Variants in PDGFD observed in about 807,000 individuals in gnomAD.
PDGFD encodes the protein platelet-derived growth factor D.
Under a neutral mutation model 44.7 loss-of-function variants are expected in PDGFD, and 30 were observed. The ratio of observed to expected loss-of-function variants is 0.67; its 90% CI spans 0.50 to 0.91. The LOEUF is 0.91. Ranked by LOEUF, PDGFD falls within the 40% of genes least tolerant of loss-of-function variation. The pLI is 0.00. For missense variants in PDGFD, 445 were observed against 457.8 expected (o/e 0.97, Z 0.25); for synonymous variants, 173 against 168.4 (o/e 1.03, Z -0.21).
intron 1 of PDGFD, among the ~76,000 whole-genome samples, chr11:104,102,307 G>A (rs538081939): frequency 2.2e-3 from 328 of 152,262 alleles, no homozygotes; most frequent in African/African-American, 7.4e-3. Context: ...CATTTATGCA[G>A]CCAAAAAACA....
intron 1 of PDGFD, among the ~76,000 whole-genome samples, chr11:104,155,244 A>G (rs1862290950): frequency 6.6e-6 from 1 of 152,224 alleles, no homozygotes; most frequent in African/African-American, 2.4e-5. Flanking sequence ...CAGTTTATGA[A>G]CCTGGTAAAC....
intron 1 of PDGFD, among the ~76,000 whole-genome samples, chr11:104,159,569 A>C (rs150065421): frequency 6.6e-6 from 1 of 152,328 alleles, no homozygotes; most frequent in Non-Finnish European, 1.5e-5. Context: ...AGACTCTTAG[A>C]GTGATAGGGC....
intron 1 of PDGFD, among the ~76,000 whole-genome samples, chr11:104,162,011 C>T (rs1862396634): frequency 6.6e-6 from 1 of 151,018 alleles, no homozygotes; most frequent in Admixed American, 6.6e-5. Context: ...ACAGTTTTAA[C>T]TGAAATATGA....
Position 104,008,301 on chromosome 11 carries a change from G to A in PDGFD, c.125-8046C>T, listed in dbSNP as rs75163661. Among the ~76,000 whole-genome samples, 731 of 144,660 alleles carry A rather than the reference G, an allele frequency of 5.1e-3. 18 individuals carry two copies. The East Asian group carries it at 0.078, about 15-fold the overall frequency. 94.9% of individuals were successfully genotyped at this position (144,660 alleles called of 152,430 possible). A position where few individuals can be genotyped will look rare whatever the true frequency, so the allele number is the denominator to read the frequency against. ...TAATAGATAAGATTAAACAATGCTC[G>A]GAAAATAAAATCTCAAATCTCAAAT... On this transcript the variant is annotated intron_variant, in intron 1 of 6. Transcript: ENST00000393158.
intron 1 of PDGFD, among the ~76,000 whole-genome samples, chr11:104,068,184 C>A (rs1255820767): frequency 6.6e-6 from 1 of 152,088 alleles, no homozygotes; most frequent in African/African-American, 2.4e-5. Context: ...CATACCCACA[C>A]CTTATATGGT....
intron 1 of PDGFD, among the ~76,000 whole-genome samples, chr11:104,122,952 G>A (rs1861797949): frequency 6.6e-6 from 1 of 152,092 alleles, no homozygotes; most frequent in Non-Finnish European, 1.5e-5. Context: ...TATTGATGGA[G>A]GACCCTGGAT....
At chr11:103,960,003 G>A (rs1858912060) in intron 3 of PDGFD, among the ~76,000 whole-genome samples, 1 of 152,148 alleles carries the variant, frequency 6.6e-6, no homozygotes, top group Admixed American at 6.5e-5. Flanking sequence ...ACTTTGACCA[G>A]TTATTACACT....
At chr11:104,027,919 G>A (rs993915514) in intron 1 of PDGFD, among the ~76,000 whole-genome samples, 4 of 152,066 alleles carry the variant, frequency 2.6e-5, no homozygotes, top group Admixed American at 2.0e-4. Context: ...GGCCGGGCGC[G>A]GTGGCTCACG....
intron 1 of PDGFD, among the ~76,000 whole-genome samples, chr11:104,023,231 C>G (rs982646633): frequency 6.6e-6 from 1 of 152,090 alleles, no homozygotes; most frequent in Non-Finnish European, 1.5e-5. Flanking sequence ...AGGTAAGCAA[C>G]AGAAAACGCC....
rs538747158 is a variant in PDGFD, at chr11:104,088,431, T to C, written c.124+75373A>G. On this transcript the variant is annotated intron_variant, in intron 1 of 6. Transcript: ENST00000393158. ...TAACAATTTGCTTTTAAGCACTCAA[T>C]TCATCCCTTCATTCTGAGAATCTTC... is the stretch of plus-strand genomic sequence containing the variant. Among the ~76,000 whole-genome samples, 32 of 152,330 alleles carry C rather than the reference T, an allele frequency of 2.1e-4. No homozygotes were observed. In the South Asian group the frequency reaches 6.4e-3, roughly 31 times the overall value.
At chr11:104,073,946 G>A (rs368570366) in intron 1 of PDGFD, among the ~76,000 whole-genome samples, 12 of 152,264 alleles carry the variant, frequency 7.9e-5, no homozygotes, top group Middle Eastern at 3.4e-3. Context: ...GATTGCATGC[G>A]TGACTGTAAT....
chr11:104,028,432 T>C (rs1345288056), intron 1 of PDGFD, among the ~76,000 whole-genome samples: 1 of 150,886 alleles, frequency 6.6e-6, no homozygotes, highest in Non-Finnish European at 1.5e-5. Context: ...CTGTTTTTGT[T>C]TTTGCTTTTT....
At chr11:104,111,826 T>C (rs190806066) in intron 1 of PDGFD, among the ~76,000 whole-genome samples, 8 of 152,268 alleles carry the variant, frequency 5.3e-5, no homozygotes, top group Admixed American at 3.9e-4. Flanking sequence ...TTAAGCACGG[T>C]TATAAGTCAC....
intron 6 of PDGFD, among the ~76,000 whole-genome samples, chr11:103,919,693 G>T (rs1858181733): frequency 6.6e-6 from 1 of 151,768 alleles, no homozygotes; most frequent in South Asian, 2.1e-4. Flanking sequence ...ATTTTTAGTA[G>T]AGATGGGGTT....
At chr11:104,095,060 C>A (rs923698192) in intron 1 of PDGFD, among the ~76,000 whole-genome samples, 3 of 152,154 alleles carry the variant, frequency 2.0e-5, no homozygotes, top group African/African-American at 7.2e-5. Flanking sequence ...TGTATATGGA[C>A]GTATCTTCCC....
At chr11:104,113,227 C>T (rs571525727) in intron 1 of PDGFD, among the ~76,000 whole-genome samples, 2 of 152,086 alleles carry the variant, frequency 1.3e-5, no homozygotes, top group African/African-American at 4.8e-5. Flanking sequence ...TAAGAAAACA[C>T]ATGATTGAAC....
Position 104,037,917 on chromosome 11 carries a change from G to C in PDGFD, c.125-37662C>G, listed in dbSNP as rs370704270. 16 of 1,614,048 alleles carry C rather than the reference G, an allele frequency of 9.9e-6. No homozygotes were observed. The African/African-American group carries it at 1.7e-4, about 18-fold the overall frequency. On this transcript the variant is annotated intron_variant, in intron 1 of 6. Transcript: ENST00000393158. ...AGACTTATTTTCTTCCTGAGGGAGA[G>C]TTGCCCTTATGCTCTAGGATGGTAA...
intron 1 of PDGFD, among the ~76,000 whole-genome samples, chr11:104,031,199 T>C (rs557996272): frequency 5.3e-5 from 8 of 152,174 alleles, no homozygotes; most frequent in Admixed American, 1.3e-4. Flanking sequence ...ACAGAGTGAA[T>C]AGACAACCTA....
chr11:104,114,186 T>G (rs981391703), intron 1 of PDGFD, among the ~76,000 whole-genome samples: 2 of 152,090 alleles, frequency 1.3e-5, no homozygotes, highest in Admixed American at 1.3e-4. Context: ...GTCATCTAGA[T>G]TTTCTCCTAT....
Sources: gnomAD v4.1 joint callset for allele counts (sites outside exome capture counted in the v4.1 genomes callset) on GRCh38, gnomAD v4.1.1 for gene constraint, MANE v1.5 for transcripts, NCBI Gene and HGNC (gene_info 2026-07-23, HGNC 2026-07-21) for gene names.